The following ADAMTSL1 variants were observed in gnomAD, a reference collection of about 807,000 sequenced individuals.
ADAMTSL1 encodes the protein ADAMTS like 1.
ADAMTSL1 carries 126 observed loss-of-function variants against 201.8 expected under a neutral mutation model. The observed-to-expected ratio is 0.62, with a 90% CI of 0.54 to 0.72. The LOEUF (loss-of-function observed/expected upper bound fraction) is 0.72, where lower values mean the gene tolerates loss of function less well. ADAMTSL1 is among the 30% of genes least tolerant of loss of function. The probability of loss-of-function intolerance (pLI) is 0.00; values close to 1 mark genes in which losing one functional copy is unlikely to be tolerated. For synonymous variants in ADAMTSL1, 1,121 were observed against 903.4 expected (o/e 1.24, Z -4.32); for missense variants, 2,679 against 2,277.8 (o/e 1.18, Z -3.59).
At chr9:18,360,455 A>G (rs1836467299) in intron 2 of ADAMTSL1, 1 of 152,200 alleles carries the variant, frequency 6.6e-6, no homozygotes, top group African/African-American at 2.4e-5. Flanking sequence ...TCTGAGCTTC[A>G]GTGCCCTCTT....
intron 1 of ADAMTSL1, among the ~76,000 whole-genome samples, chr9:17,952,917 CCCT>C (rs59567399): frequency 0.021 from 3,062 of 146,022 alleles, 118 homozygotes; most frequent in African/African-American, 0.07. Flanking sequence ...TTCCTCCTTT[CCCT>C]CCTCCTCCTC....
At chr9:18,711,408 G>T (rs1832588400) in intron 14 of ADAMTSL1, among the ~76,000 whole-genome samples, 1 of 152,260 alleles carries the variant, frequency 6.6e-6, no homozygotes, top group African/African-American at 2.4e-5. Flanking sequence ...GCGAGCCGAA[G>T]CAGGGCGAGG....
At chr9:17,950,342 ATT>A (rs899176805) in intron 1 of ADAMTSL1, among the ~76,000 whole-genome samples, 12 of 152,076 alleles carry the variant, frequency 7.9e-5, no homozygotes, top group East Asian at 3.9e-4. Flanking sequence ...TATAAATTAC[ATT>A]TTGTTACATA....
chr9:18,234,955 A>G (rs1464203047), intron 2 of ADAMTSL1, among the ~76,000 whole-genome samples: 2 of 152,230 alleles, frequency 1.3e-5, no homozygotes, highest in East Asian at 1.9e-4. Context: ...GATAGTTTCC[A>G]TATACCTCAC....
intron 1 of ADAMTSL1, among the ~76,000 whole-genome samples, chr9:18,160,243 A>G (rs747729136): frequency 1.3e-5 from 2 of 152,110 alleles, no homozygotes; most frequent in Admixed American, 6.6e-5. Flanking sequence ...AGCAATCTTC[A>G]TCACAGGACA....
intron 2 of ADAMTSL1, among the ~76,000 whole-genome samples, chr9:18,392,811 T>G (rs955046343): frequency 6.6e-6 from 1 of 152,190 alleles, no homozygotes; most frequent in Non-Finnish European, 1.5e-5. Context: ...GTGAGAAATA[T>G]CAGCCTTCTT....
chr9:18,277,113 G>A lies in ADAMTSL1; in HGVS notation c.207+113132G>A, dbSNP rs184518749. Among the ~76,000 whole-genome samples the A allele has an allele frequency of 1.8e-3, 281 of 152,274 alleles. 1 individual carries two copies. Among genetic ancestry groups the A allele is most frequent in the African/African-American group, 6.5e-3 (272 of 41,564 alleles). ...ACTATAGTGGCTAGAAAAGATACTT[G>A]ATATGATTTTCATCTTCTTACATTT... is the stretch of plus-strand genomic sequence containing the variant. On this transcript the variant is annotated intron_variant, in intron 2 of 29. Transcript: ENST00000680146.
intron 5 of ADAMTSL1, among the ~76,000 whole-genome samples, chr9:18,635,029 C>T (rs1003915667): frequency 2.0e-5 from 3 of 151,352 alleles, no homozygotes; most frequent in Non-Finnish European, 4.4e-5. Flanking sequence ...CCTTTCTATC[C>T]ATTTGATCTT....
At chr9:18,832,982 G>C (rs985539095) in intron 23 of ADAMTSL1, among the ~76,000 whole-genome samples, 1 of 152,200 alleles carries the variant, frequency 6.6e-6, no homozygotes, top group Non-Finnish European at 1.5e-5. Flanking sequence ...TCTTCATTAA[G>C]TCTGGAGTGT....
chr9:18,265,947 C>T (rs1832103836), intron 2 of ADAMTSL1, among the ~76,000 whole-genome samples: 1 of 151,970 alleles, frequency 6.6e-6, no homozygotes, highest in African/African-American at 2.4e-5. Flanking sequence ...CCAACAGGGA[C>T]ATTTACTATT....
chr9:18,844,984 C>T (rs566006227), intron 23 of ADAMTSL1, among the ~76,000 whole-genome samples: 35 of 152,330 alleles, frequency 2.3e-4, no homozygotes, highest in South Asian at 2.1e-3. Flanking sequence ...TGACCCCTTG[C>T]GCTTCCCGAG....
chr9:18,888,198 C>A (rs527625659), intron 24 of ADAMTSL1, among the ~76,000 whole-genome samples, 155 bp downstream of exon 24: 8 of 152,206 alleles, frequency 5.3e-5, no homozygotes, highest in Non-Finnish European at 1.2e-4. Context: ...TGAGACCCTA[C>A]TTCTGTCAAC....
chr9:18,336,017 G>T (rs1467243536), intron 2 of ADAMTSL1, among the ~76,000 whole-genome samples: 1 of 152,058 alleles, frequency 6.6e-6, no homozygotes, highest in Non-Finnish European at 1.5e-5. Flanking sequence ...TCTCTTTAAG[G>T]CACAGTCTTA....
chr9:18,180,456 C>T (rs1046108051), intron 2 of ADAMTSL1, among the ~76,000 whole-genome samples: 29 of 149,826 alleles, frequency 1.9e-4, no homozygotes, highest in African/African-American at 6.4e-4. Context: ...TGGCGTGAAC[C>T]CGGGAGGCGG....
At chr9:18,355,937 C>T (rs540125532) in intron 2 of ADAMTSL1, among the ~76,000 whole-genome samples, 12 of 152,364 alleles carry the variant, frequency 7.9e-5, no homozygotes, top group African/African-American at 2.4e-4. Context: ...GCCAGTGACG[C>T]CCTGCCTGGG....
At chr9:18,154,667 C>A (rs549483668) in intron 1 of ADAMTSL1, among the ~76,000 whole-genome samples, 1 of 151,972 alleles carries the variant, frequency 6.6e-6, no homozygotes, top group Non-Finnish European at 1.5e-5. Context: ...TCTCTTCCCC[C>A]GAGGAATACA....
chr9:18,775,972 T>G, intron 18 of ADAMTSL1, 76 bp downstream of exon 18: 1 of 1,523,330 alleles, frequency 6.6e-7, no homozygotes, highest in Non-Finnish European at 8.9e-7. Context: ...GCCGTGGCCT[T>G]CCCTAAACTC....
At chr9:18,444,384 T>G (rs1340464408) in intron 2 of ADAMTSL1, among the ~76,000 whole-genome samples, 2 of 152,154 alleles carry the variant, frequency 1.3e-5, no homozygotes, top group Admixed American at 6.5e-5. Flanking sequence ...CCTAAGTTTG[T>G]TACTAAATGG....
intron 1 of ADAMTSL1, among the ~76,000 whole-genome samples, chr9:18,498,890 G>A (rs1313623931): frequency 1.3e-5 from 2 of 152,228 alleles, no homozygotes; most frequent in Non-Finnish European, 2.9e-5. Flanking sequence ...ATGCTTCCTG[G>A]CATGCAGGTA....
Sources: allele counts gnomAD v4.1 joint callset (sites outside exome capture counted in the v4.1 genomes callset), GRCh38; gene constraint gnomAD v4.1.1; transcripts MANE v1.5; gene names NCBI Gene and HGNC (gene_info 2026-07-23, HGNC 2026-07-21).